INPP5B: variants seen among roughly 807,000 people sequenced by gnomAD.
INPP5B encodes the protein type II inositol 1,4,5-trisphosphate 5-phosphatase.
INPP5B carries 90 observed loss-of-function variants against 118.5 expected under a neutral mutation model. The ratio of observed to expected loss-of-function variants is 0.76; its 90% CI spans 0.64 to 0.90. The LOEUF (loss-of-function observed/expected upper bound fraction) is 0.90, where lower values mean the gene tolerates loss of function less well. Among genes scored for constraint, INPP5B ranks in the 40% least tolerant of loss-of-function variants. The pLI is 0.00. For synonymous variants in INPP5B, 385 were observed against 418.9 expected (o/e 0.92, Z 0.99); for missense variants, 984 against 1,125.6 (o/e 0.87, Z 1.80).
At chr1:37,910,960 G>T (rs535502566) in intron 7 of INPP5B, among the ~76,000 whole-genome samples, 146 of 152,048 alleles carry the variant, frequency 9.6e-4, no homozygotes, top group African/African-American at 3.3e-3. Flanking sequence ...TTAAAAAACA[G>T]CCCTAAAAGA....
At chr1:37,945,695 G>A (rs1348263367) in intron 3 of INPP5B, 61 bp downstream of exon 3, 1 of 1,168,026 alleles carries the variant, frequency 8.6e-7, no homozygotes, top group Non-Finnish European at 1.3e-6. Flanking sequence ...AGTTCAGCTG[G>A]AGGGTGCAGT....
Position 37,886,972 on chromosome 1 carries a change from C to A in INPP5B, c.1047G>T (p.Leu349=). The change falls in exon 12 of 24, where the codon CTG becomes CTT. Residue 349 remains leucine (L), a synonymous_variant. Transcript: ENST00000373024. ...VKLIRLVGIM[L]LLYVKQEHAA... ...CATGCTCCTGTTTGACATATAACAG[C>A]AGCATAATCCCAACCAGTCGGATAA... is the stretch of plus-strand genomic sequence containing the variant. The A allele has an allele frequency of 6.2e-7, 1 of 1,614,182 alleles. No individual in the cohort carries two copies. The highest frequency in any genetic ancestry group is 1.1e-5 in the South Asian group (1 of 91,084).
At chr1:37,882,765 G>A (rs1212774908) in intron 14 of INPP5B, 42 bp downstream of exon 14, 23 of 1,485,058 alleles carry the variant, frequency 1.5e-5, no homozygotes, top group Middle Eastern at 1.8e-4. Context: ...CCCTCATGGT[G>A]GAGGACAGCT....
Position 37,931,432 on chromosome 1 carries a change from A to G in INPP5B, c.532+481T>C, listed in dbSNP as rs559725221. On this transcript the variant is annotated intron_variant, in intron 7 of 23. Coordinates refer to ENST00000373024, the MANE Select transcript of INPP5B (RefSeq NM_005540.3). ...AGCGAGTTCGGAACGGAGCTTTACT[A>G]AAACCCCAGCCTCCGGATTCCCAAG... The G allele has an allele frequency of 1.4e-5, 21 of 1,520,866 alleles. No individual in the cohort carries two copies. The South Asian group carries it at 2.4e-4, about 18-fold the overall frequency. The allele number at this position is 1,520,866 out of a possible 1,614,324, so 94.2% of individuals were successfully genotyped here.
chr1:37,896,351 G>A (rs1305791272), intron 7 of INPP5B, among the ~76,000 whole-genome samples: 6 of 150,664 alleles, frequency 4.0e-5, no homozygotes, highest in African/African-American at 9.8e-5. Context: ...GAGCCCCTCC[G>A]CCCGGCAGCC....
rs773070357 is a variant in INPP5B, at chr1:37,861,971, G to C, written c.*344C>G. On this transcript the variant is annotated 3_prime_UTR_variant, in exon 24 of 24. Transcript: ENST00000373024. ...TAATTGCTTGCACCCAGGAGGCAGA[G>C]GTTGCAGTGAGCCGAGATCGTGCCA... is the stretch of plus-strand genomic sequence containing the variant. 5.3e-6 allele frequency: 1 copy of C among 187,292 alleles called. No homozygotes were observed. The highest frequency in any genetic ancestry group is 1.1e-5 in the Non-Finnish European group (1 of 89,518). 11.6% of individuals were successfully genotyped at this position (187,292 alleles called of 1,614,324 possible).
At chr1:37,924,765 G>C (rs1485933278) in intron 7 of INPP5B, among the ~76,000 whole-genome samples, 1 of 152,084 alleles carries the variant, frequency 6.6e-6, no homozygotes, top group Non-Finnish European at 1.5e-5. Context: ...GGCTGCGCAT[G>C]GTGGCTCACA....
intron 7 of INPP5B, among the ~76,000 whole-genome samples, chr1:37,896,200 C>A (rs1434016435): frequency 2.7e-5 from 4 of 145,616 alleles, no homozygotes; most frequent in Non-Finnish European, 4.6e-5. Context: ...CTCTGCCCGG[C>A]CGCCCCGTCT....
At chr1:37,919,382 G>A (rs1030712633) in intron 7 of INPP5B, among the ~76,000 whole-genome samples, 3 of 152,086 alleles carry the variant, frequency 2.0e-5, no homozygotes, top group Non-Finnish European at 2.9e-5. Context: ...CAAAATACCT[G>A]CAAACCATGT....
chr1:37,880,830 A>G lies in INPP5B; in HGVS notation c.1432-636T>C, dbSNP rs369443805. On this transcript the variant is annotated intron_variant, in intron 14 of 23. Transcript: ENST00000373024. The stretch of plus-strand genomic sequence containing the variant: ...AGCCTCCATCTCCTGGGCTCAGGCA[A>G]TCCTCCTGCCTCAGCCTCCCAAGTA... Among the ~76,000 whole-genome samples the G allele has an allele frequency of 2.6e-5, 4 of 152,178 alleles. No individual in the cohort carries two copies. In the South Asian group the frequency reaches 8.3e-4, roughly 31 times the overall value.
chr1:37,863,517 AAAATT>A (rs1207843136), intron 23 of INPP5B, among the ~76,000 whole-genome samples: 2 of 151,526 alleles, frequency 1.3e-5, no homozygotes, highest in South Asian at 2.1e-4. Context: ...CCATCTCTAA[AAAATT>A]AAATTAAATT....
At chr1:37,899,719 C>CTTTT (rs58118510) in intron 7 of INPP5B, among the ~76,000 whole-genome samples, 1 of 143,842 alleles carries the variant, frequency 7.0e-6, no homozygotes. Context: ...TCCATTTCAT[C>CTTTT]TTTTTTTTTT....
At chr1:37,939,194 CAAA>C (rs34249747) in intron 6 of INPP5B, among the ~76,000 whole-genome samples, 7 of 73,026 alleles carry the variant, frequency 9.6e-5, no homozygotes, top group Non-Finnish European at 1.9e-4. Flanking sequence ...AACTCCGTCT[CAAA>C]AAAAAAAAAA....
chr1:37,868,448 G>T, intron 20 of INPP5B, 53 bp downstream of exon 20: 1 of 1,187,212 alleles, frequency 8.4e-7, no homozygotes, highest in Non-Finnish European at 1.3e-6. Context: ...GGGGCTGATG[G>T]TCCTCAAGGC....
chr1:37,868,838 T>C (rs1569966302), intron 19 of INPP5B, among the ~76,000 whole-genome samples: 1 of 152,158 alleles, frequency 6.6e-6, no homozygotes, highest in East Asian at 1.9e-4. Context: ...TCAGGTCAAA[T>C]ATGCACCATC....
chr1:37,887,127 G>T, intron 11 of INPP5B, 123 bp from the exon 12 acceptor site: 1 of 806,826 alleles, frequency 1.2e-6, no homozygotes, highest in Non-Finnish European at 2.1e-6. Flanking sequence ...TAGAACACAG[G>T]TAATCATCTG....
chr1:37,888,707 T>C (rs905768801), intron 9 of INPP5B, among the ~76,000 whole-genome samples: 18 of 152,358 alleles, frequency 1.2e-4, no homozygotes, highest in Non-Finnish European at 1.2e-4. Context: ...AACACCAGTA[T>C]TCAAAAGGCT....
intron 19 of INPP5B, among the ~76,000 whole-genome samples, chr1:37,872,294 C>T (rs1025678482): frequency 1.8e-4 from 26 of 144,838 alleles, no homozygotes; most frequent in Admixed American, 1.5e-3. Context: ...CGCTTGAACC[C>T]GGGAGGCAGA....
At chr1:37,892,041 G>T (rs570988062) in intron 7 of INPP5B, among the ~76,000 whole-genome samples, 3 of 152,112 alleles carry the variant, frequency 2.0e-5, no homozygotes, top group Non-Finnish European at 4.4e-5. Context: ...ATTAAGGAAA[G>T]AATAAAACCA....
Sources: allele counts gnomAD v4.1 joint callset (sites outside exome capture counted in the v4.1 genomes callset), GRCh38; gene constraint gnomAD v4.1.1; transcripts MANE v1.5; gene names NCBI Gene and HGNC (gene_info 2026-07-23, HGNC 2026-07-21).